CADM2: variants seen among roughly 807,000 people sequenced by gnomAD.
The protein encoded by CADM2 is immunoglobulin superfamily member 4D.
CADM2 carries 12 observed loss-of-function variants against 49.8 expected under a neutral mutation model. That is an observed-to-expected ratio of 0.24 (90% confidence interval 0.15 to 0.39). CADM2 has a LOEUF of 0.39. CADM2 is among the 10% of genes least tolerant of loss of function. The probability of loss-of-function intolerance (pLI) is 1.00; values close to 1 mark genes in which losing one functional copy is unlikely to be tolerated. For synonymous variants in CADM2, 214 were observed against 175.4 expected (o/e 1.22, Z -1.74); for missense variants, 378 against 492.3 (o/e 0.77, Z 2.20).
intron 1 of CADM2, among the ~76,000 whole-genome samples, chr3:85,447,432 A>C (rs1375463607): frequency 2.0e-5 from 3 of 152,076 alleles, no homozygotes; most frequent in Non-Finnish European, 4.4e-5. Context: ...TTTGTTTATA[A>C]TTTAGTTTAA....
intron 8 of CADM2, among the ~76,000 whole-genome samples, chr3:85,978,029 A>T (rs1727003572): frequency 6.6e-6 from 1 of 151,640 alleles, no homozygotes; most frequent in African/African-American, 2.4e-5. Flanking sequence ...AATACAAAAT[A>T]ATCTGTCAAA....
chr3:85,136,806 T>G (rs149286677), intron 1 of CADM2, among the ~76,000 whole-genome samples: 201 of 152,114 alleles, frequency 1.3e-3, no homozygotes, highest in African/African-American at 4.3e-3. Flanking sequence ...CACTCTATTT[T>G]AAGTACAACT....
At chr3:85,410,711 A>G (rs2035617862) in intron 1 of CADM2, among the ~76,000 whole-genome samples, 1 of 152,176 alleles carries the variant, frequency 6.6e-6, no homozygotes, top group African/African-American at 2.4e-5. Flanking sequence ...ATTTGGAGTG[A>G]AAAGAGGAAA....
chr3:86,026,085 G>A (rs1313716328), intron 8 of CADM2, among the ~76,000 whole-genome samples: 3 of 152,160 alleles, frequency 2.0e-5, no homozygotes, highest in East Asian at 3.9e-4. Context: ...GTGTACTAGG[G>A]AATGTGCTGT....
At chr3:86,003,824 G>A (rs965540266) in intron 8 of CADM2, among the ~76,000 whole-genome samples, 1 of 152,190 alleles carries the variant, frequency 6.6e-6, no homozygotes, top group Non-Finnish European at 1.5e-5. Flanking sequence ...GGAGAGCAAA[G>A]ATTACTTCAG....
intron 1 of CADM2, among the ~76,000 whole-genome samples, chr3:85,559,672 A>ACG (rs1559909741): frequency 1.1e-5 from 1 of 93,758 alleles, no homozygotes; most frequent in African/African-American, 3.2e-5. Flanking sequence ...ACACACACAC[A>ACG]CACACACACA....
intron 1 of CADM2, among the ~76,000 whole-genome samples, chr3:85,238,569 G>A (rs1351078743): frequency 6.6e-6 from 1 of 151,536 alleles, no homozygotes; most frequent in Non-Finnish European, 1.5e-5. Flanking sequence ...AAAGGGAAAA[G>A]TCAACTAGCC....
intron 1 of CADM2, among the ~76,000 whole-genome samples, chr3:85,400,032 T>C (rs2035017521): frequency 6.6e-6 from 1 of 152,198 alleles, no homozygotes; most frequent in Admixed American, 6.5e-5. Flanking sequence ...GTGCCAGTTT[T>C]CAAAGGCAAT....
At chr3:86,038,732 C>G (rs1214275267) in intron 8 of CADM2, among the ~76,000 whole-genome samples, 1 of 152,136 alleles carries the variant, frequency 6.6e-6, no homozygotes, top group African/African-American at 2.4e-5. Context: ...ATTTAATTGT[C>G]AAATAACTCT....
chr3:85,286,852 A>G (rs1028233649), intron 1 of CADM2, among the ~76,000 whole-genome samples: 1 of 152,110 alleles, frequency 6.6e-6, no homozygotes, highest in African/African-American at 2.4e-5. Flanking sequence ...ATAATCTATA[A>G]TAAAAGAGAG....
At chr3:85,805,622 A>T (rs2072362613) in intron 3 of CADM2, 1 of 141,858 alleles carries the variant, frequency 7.0e-6, no homozygotes, top group African/African-American at 3.1e-5. Flanking sequence ...AAAGCATTTT[A>T]AAAGATTCCA....
intron 1 of CADM2, among the ~76,000 whole-genome samples, chr3:85,205,689 AT>A (rs1307768477): frequency 6.6e-6 from 1 of 152,134 alleles, no homozygotes; most frequent in African/African-American, 2.4e-5. Context: ...GTAACATATT[AT>A]TTAAAAACTT....
At chr3:85,813,399 G>GT (rs1446792782) in intron 3 of CADM2, among the ~76,000 whole-genome samples, 8 of 151,936 alleles carry the variant, frequency 5.3e-5, no homozygotes, top group African/African-American at 1.7e-4. Context: ...GGGGTTGTTT[G>GT]TTTTTTTCTT....
chr3:85,941,826 G>A (rs1302216882), intron 7 of CADM2, among the ~76,000 whole-genome samples: 2 of 152,080 alleles, frequency 1.3e-5, no homozygotes, highest in African/African-American at 4.8e-5. Context: ...TGGCTCAGGA[G>A]TGGTGAGGAA....
intron 1 of CADM2, among the ~76,000 whole-genome samples, chr3:85,689,990 G>T (rs1020790880): frequency 6.6e-6 from 1 of 152,162 alleles, no homozygotes; most frequent in South Asian, 2.1e-4. Flanking sequence ...CTGTATCTGG[G>T]CAAAATTACT....
At chr3:85,120,236 T>C (rs1229215844) in intron 1 of CADM2, among the ~76,000 whole-genome samples, 1 of 152,162 alleles carries the variant, frequency 6.6e-6, no homozygotes, top group African/African-American at 2.4e-5. Context: ...CTGTAGGTGG[T>C]AGTGTAAACT....
chr3:85,551,619 C>T (rs1457645349), intron 1 of CADM2, among the ~76,000 whole-genome samples: 1 of 152,112 alleles, frequency 6.6e-6, no homozygotes, highest in African/African-American at 2.4e-5. Flanking sequence ...CTTAAAGAAA[C>T]TGTTTCATTC....
chr3:85,308,013 C>G (rs1184044865), intron 1 of CADM2, among the ~76,000 whole-genome samples: 1 of 150,874 alleles, frequency 6.6e-6, no homozygotes, highest in African/African-American at 2.4e-5. Context: ...TCAACCTACA[C>G]AAATGTGCAA....
intron 1 of CADM2, among the ~76,000 whole-genome samples, chr3:85,508,711 T>C (rs966627366): frequency 6.6e-6 from 1 of 152,160 alleles, no homozygotes; most frequent in Non-Finnish European, 1.5e-5. Flanking sequence ...AGTTTAATAA[T>C]GAATAAGCCC....
Sources: allele counts gnomAD v4.1 joint callset (sites outside exome capture counted in the v4.1 genomes callset), GRCh38; gene constraint gnomAD v4.1.1; transcripts MANE v1.5; gene names NCBI Gene and HGNC (gene_info 2026-07-23, HGNC 2026-07-21).